STT3B: variants seen among roughly 807,000 people sequenced by gnomAD.
STT3B encodes STT3 oligosaccharyltransferase complex catalytic subunit B.
In STT3B, 29 loss-of-function variants were observed where a neutral mutation model predicts 96.8. That is an observed-to-expected ratio of 0.30 (90% CI 0.22 to 0.41). The LOEUF (loss-of-function observed/expected upper bound fraction) is 0.41. STT3B is among the 10% of genes least tolerant of loss of function. STT3B has a pLI of 1.00. For missense variants in STT3B, 640 were observed against 1,022.3 expected (o/e 0.63, Z 5.10); for synonymous variants, 367 against 360.0 (o/e 1.02, Z -0.22).
intron 3 of STT3B, among the ~76,000 whole-genome samples, chr3:31,583,528 C>T (rs1050081948): frequency 4.6e-5 from 7 of 152,160 alleles, no homozygotes; most frequent in East Asian, 3.9e-4. Flanking sequence ...TGTCTTTTCT[C>T]ATATTAGTAT....
At chr3:31,537,802 C>T (rs1410045450) in intron 1 of STT3B, among the ~76,000 whole-genome samples, 1 of 152,080 alleles carries the variant, frequency 6.6e-6, no homozygotes, top group African/African-American at 2.4e-5. Flanking sequence ...CCTTCTGTAC[C>T]TAATCAATTT....
At chr3:31,576,019 A>G (rs1000382269) in intron 1 of STT3B, among the ~76,000 whole-genome samples, 5 of 152,034 alleles carry the variant, frequency 3.3e-5, no homozygotes, top group Non-Finnish European at 2.9e-5. Flanking sequence ...TTTAAAGCCA[A>G]TGTTTTTAGG....
chr3:31,588,350 T>G (rs556244589), intron 3 of STT3B, among the ~76,000 whole-genome samples: 1 of 152,256 alleles, frequency 6.6e-6, no homozygotes, highest in Admixed American at 6.5e-5. Flanking sequence ...TATTTATTTC[T>G]TTTAAATCAG....
chr3:31,611,197 G>A (rs1699171941), intron 5 of STT3B, among the ~76,000 whole-genome samples: 1 of 152,096 alleles, frequency 6.6e-6, no homozygotes, highest in African/African-American at 2.4e-5. Flanking sequence ...TTACCTCTTC[G>A]AAGTCCATGT....
Position 31,533,268 on chromosome 3 carries a change from C to A in STT3B, c.270C>A (p.Phe90Leu). ...TTGCCGGCTTCAGCTCGCGCCTCTT[C>A]GCCGTCATCCGCTTCGAAAGCATCA... ...AWLAGFSSRLFAVIRFESIIH... is the reference protein window; with the variant it reads ...AWLAGFSSRLLAVIRFESIIH... The change falls in exon 1 of 16, where the codon TTC (phenylalanine) becomes TTA (leucine). Residue 90 changes from phenylalanine (F) to leucine (L), a missense_variant. This residue lies in a region of STT3B where 267 missense variants were observed against 388.3 expected (regional missense o/e 0.69). Transcript: ENST00000295770. The A allele has an allele frequency of 6.6e-7, 1 of 1,525,402 alleles. No homozygotes were observed. Among genetic ancestry groups the A allele is most frequent in the South Asian group, 1.2e-5 (1 of 82,676 alleles). 94.5% of individuals were successfully genotyped at this position (1,525,402 alleles called of 1,614,324 possible). A position where few individuals can be genotyped will look rare whatever the true frequency, so the allele number is the denominator to read the frequency against.
chr3:31,555,814 T>C (rs898329130), intron 1 of STT3B, among the ~76,000 whole-genome samples: 1 of 152,166 alleles, frequency 6.6e-6, no homozygotes, highest in African/African-American at 2.4e-5. Context: ...TATCATATTT[T>C]GTAGCATACA....
intron 5 of STT3B, among the ~76,000 whole-genome samples, chr3:31,608,039 C>A (rs981683484): frequency 6.6e-6 from 1 of 152,094 alleles, no homozygotes; most frequent in Non-Finnish European, 1.5e-5. Context: ...CAATAAGAGG[C>A]TGTACAGTTT....
intron 4 of STT3B, among the ~76,000 whole-genome samples, chr3:31,598,225 A>G (rs1559380472): frequency 6.6e-6 from 1 of 152,220 alleles, no homozygotes; most frequent in African/African-American, 2.4e-5. Context: ...TTTGCCTGTC[A>G]TATATCAAGC....
chr3:31,626,575 G>T (rs1699543963), intron 13 of STT3B, among the ~76,000 whole-genome samples: 1 of 152,170 alleles, frequency 6.6e-6, no homozygotes, highest in Non-Finnish European at 1.5e-5. Context: ...TTAAGGGAAA[G>T]GGTCTTAAAA....
chr3:31,606,991 T>C (rs550467891), intron 5 of STT3B, among the ~76,000 whole-genome samples: 1 of 152,302 alleles, frequency 6.6e-6, no homozygotes, highest in East Asian at 1.9e-4. Flanking sequence ...GAGATCATTT[T>C]GGAGCTTTAA....
chr3:31,559,300 T>C (rs1362611274), intron 1 of STT3B, among the ~76,000 whole-genome samples: 3 of 151,014 alleles, frequency 2.0e-5, no homozygotes, highest in Non-Finnish European at 4.4e-5. Context: ...ATTGCTTATT[T>C]GGAGTCTTTG....
At chr3:31,627,721 T>C (rs1699566066) in intron 13 of STT3B, among the ~76,000 whole-genome samples, 1 of 152,228 alleles carries the variant, frequency 6.6e-6, no homozygotes, top group Admixed American at 6.5e-5. Flanking sequence ...GTATTAATCT[T>C]CTGAAATTTA....
rs1255581900 is a variant in STT3B at position 31,552,429 on chromosome 3, A to G, written c.314+19117A>G. Among the ~76,000 whole-genome samples, 10 of 152,362 alleles carry G rather than the reference A, an allele frequency of 6.6e-5. No homozygotes were observed. The East Asian group carries it at 1.9e-3, about 29-fold the overall frequency. On this transcript the variant is annotated intron_variant, in intron 1 of 15. Transcript: ENST00000295770. ...AAGGAACATGATACAATGAGAGCTT[A>G]TAATAGGGAGATAAACTAAACACAT...
rs539825543 is a variant in STT3B at position 31,545,041 on chromosome 3, C to T, written c.314+11729C>T. On this transcript the variant is annotated intron_variant, in intron 1 of 15. Transcript: ENST00000295770. ...TCCCAAGATGATTTTTACTCTAGAC[C>T]ATCGCTAAAGAAGGCTTTTATTTTA... Among the ~76,000 whole-genome samples the T allele has an allele frequency of 5.4e-4, 82 of 152,188 alleles. 1 individual carries two copies. The highest frequency in any genetic ancestry group is 1.9e-3 in the African/African-American group (80 of 41,512).
chr3:31,612,058 A>G (rs1182509897), intron 5 of STT3B, among the ~76,000 whole-genome samples: 2 of 152,194 alleles, frequency 1.3e-5, no homozygotes, highest in Non-Finnish European at 2.9e-5. Flanking sequence ...TAATTTGAAA[A>G]TTCAAAACTT....
chr3:31,610,887 G>C (rs1045934735), intron 5 of STT3B, among the ~76,000 whole-genome samples: 1 of 152,140 alleles, frequency 6.6e-6, no homozygotes, highest in African/African-American at 2.4e-5. Flanking sequence ...GCCAGTAACT[G>C]TGCATCCACA....
chr3:31,560,336 T>C (rs1697844969), intron 1 of STT3B, among the ~76,000 whole-genome samples: 1 of 152,082 alleles, frequency 6.6e-6, no homozygotes, highest in African/African-American at 2.4e-5. Context: ...TTTGTGTGTG[T>C]GTTGCTTTGC....
At chr3:31,551,693 G>T (rs898943056) in intron 1 of STT3B, among the ~76,000 whole-genome samples, 4 of 152,192 alleles carry the variant, frequency 2.6e-5, no homozygotes, top group Admixed American at 2.6e-4. Flanking sequence ...TACAGAAAGG[G>T]TTATTTTCAA....
chr3:31,561,062 T>C (rs1697866206), intron 1 of STT3B, among the ~76,000 whole-genome samples: 1 of 152,054 alleles, frequency 6.6e-6, no homozygotes, highest in South Asian at 2.1e-4. Context: ...TTTTATTTCA[T>C]TCAATGAATT....
Sources: allele counts gnomAD v4.1 joint callset (sites outside exome capture counted in the v4.1 genomes callset), GRCh38; gene constraint gnomAD v4.1.1; regional missense constraint gnomAD v4.1.1; transcripts MANE v1.5; gene names NCBI Gene and HGNC (gene_info 2026-07-23, HGNC 2026-07-21).